Variants in CEP63 observed in about 807,000 individuals in gnomAD.
The protein encoded by CEP63 is centrosomal protein of 63 kDa.
CEP63 carries 84 observed loss-of-function variants against 89.1 expected under a neutral mutation model. That is an observed-to-expected ratio of 0.94 (90% CI 0.79 to 1.13). The LOEUF (loss-of-function observed/expected upper bound fraction) is 1.13, where lower values mean the gene tolerates loss of function less well. Among genes scored for constraint, CEP63 ranks in the 50% most tolerant of loss-of-function variants. The pLI, the probability that CEP63 is intolerant of heterozygous loss-of-function variation, is 0.00. For missense variants in CEP63, 838 were observed against 813.3 expected (o/e 1.03, Z -0.37); for synonymous variants, 267 against 272.5 (o/e 0.98, Z 0.20).
the CEP63 span, among the ~76,000 whole-genome samples, chr3:134,750,630 G>A: frequency 6.6e-6 from 1 of 152,042 alleles, no homozygotes; most frequent in Non-Finnish European, 1.5e-5. Flanking sequence ...GGAGACAGGT[G>A]GGGGAAGCCA....
At chr3:134,501,373 G>T (rs1941943957) in intron 2 of CEP63, among the ~76,000 whole-genome samples, 1 of 152,130 alleles carries the variant, frequency 6.6e-6, no homozygotes, top group Non-Finnish European at 1.5e-5. Flanking sequence ...TGTGAAGAAT[G>T]ACAGTAATTT....
chr3:134,486,241 C>T (rs2107727029), intron 1 of CEP63, 39 bp downstream of exon 1: 2 of 985,484 alleles, frequency 2.0e-6, no homozygotes, highest in African/African-American at 1.7e-5. Context: ...TTGCGGCAAC[C>T]CTGTAACCGC....
At chr3:134,751,529 G>A in the CEP63 span, among the ~76,000 whole-genome samples, 5 of 152,092 alleles carry the variant, frequency 3.3e-5, no homozygotes, top group African/African-American at 9.7e-5. Flanking sequence ...AGATGGCTCC[G>A]AGGTTCTAGC....
intron 3 of CEP63, among the ~76,000 whole-genome samples, chr3:134,519,082 A>G (rs1414771479): frequency 6.6e-6 from 1 of 151,702 alleles, no homozygotes; most frequent in African/African-American, 2.4e-5. Context: ...AAAGCACAGC[A>G]TACAAGAAAG....
At chr3:134,489,039 C>T (rs1327403600) in intron 1 of CEP63, among the ~76,000 whole-genome samples, 1 of 151,542 alleles carries the variant, frequency 6.6e-6, no homozygotes, top group African/African-American at 2.4e-5. Context: ...CCTGTAATCT[C>T]AGCTACTAAG....
At chr3:134,775,868 C>T in the CEP63 span, among the ~76,000 whole-genome samples, 1 of 152,194 alleles carries the variant, frequency 6.6e-6, no homozygotes, top group Non-Finnish European at 1.5e-5. Flanking sequence ...CCGTCTCATT[C>T]TCACTGTCAA....
chr3:134,597,240 A>G, the CEP63 span, among the ~76,000 whole-genome samples: 4 of 152,184 alleles, frequency 2.6e-5, no homozygotes, highest in African/African-American at 9.7e-5. Context: ...GAGGGAGAGA[A>G]GGAGAAATAA....
At chr3:134,662,760 G>T in the CEP63 span, among the ~76,000 whole-genome samples, 1 of 152,220 alleles carries the variant, frequency 6.6e-6, no homozygotes, top group Admixed American at 6.5e-5. Context: ...GGGCTGTGCT[G>T]CCTGAAGGTG....
At chr3:134,526,733 A>G (rs948167257) in intron 3 of CEP63, among the ~76,000 whole-genome samples, 1 of 150,612 alleles carries the variant, frequency 6.6e-6, no homozygotes, top group African/African-American at 2.4e-5. Flanking sequence ...TTGTGGGCTT[A>G]CATTCCTTCA....
Position 134,507,233 on chromosome 3 carries a change from C to G in CEP63, c.169C>G (p.Arg57Gly). 1 of 1,613,090 alleles carries G rather than the reference C, an allele frequency of 6.2e-7. No homozygotes were observed. Among genetic ancestry groups the G allele is most frequent in the Non-Finnish European group, 8.5e-7 (1 of 1,179,490 alleles). ...THALETCLKI[R>G]EQELKSLRSQ... ...TGCTCTAGAAACTTGCTTGAAAATCCGTGAACAGGAACTTAAGAGTCTTAG... is the reference window on the plus strand; with the variant it reads ...TGCTCTAGAAACTTGCTTGAAAATCGGTGAACAGGAACTTAAGAGTCTTAG... The change falls in exon 3 of 15, where the codon CGT (arginine) becomes GGT (glycine). Residue 57 changes from arginine to glycine, a missense_variant. By Grantham distance (125) the Arg-to-Gly change is moderately radical. Transcript: ENST00000675561.
the CEP63 span, among the ~76,000 whole-genome samples, chr3:134,671,906 G>A: frequency 6.6e-6 from 1 of 152,200 alleles, no homozygotes; most frequent in Admixed American, 6.5e-5. Context: ...AGCCAAGGGA[G>A]GCAATGTGTG....
chr3:134,758,576 G>A, the CEP63 span, among the ~76,000 whole-genome samples: 1 of 152,274 alleles, frequency 6.6e-6, no homozygotes, highest in Non-Finnish European at 1.5e-5. Context: ...GTGAAGCCAA[G>A]GCCACTTAGC....
intron 11 of CEP63, among the ~76,000 whole-genome samples, chr3:134,550,548 C>A (rs551072958): frequency 6.6e-6 from 1 of 152,168 alleles, no homozygotes; most frequent in East Asian, 1.9e-4. Flanking sequence ...GGTGTGATAG[C>A]AAAGCTAAGT....
chr3:134,523,552 G>A (rs547928305), intron 3 of CEP63, among the ~76,000 whole-genome samples: 3 of 152,196 alleles, frequency 2.0e-5, no homozygotes, highest in African/African-American at 7.2e-5. Context: ...AATCCATCTT[G>A]AGTTAATTCT....
the CEP63 span, among the ~76,000 whole-genome samples, chr3:134,697,632 C>T: frequency 6.6e-6 from 1 of 152,142 alleles, no homozygotes. Flanking sequence ...CATGATTGTA[C>T]CCACACCTGC....
intron 12 of CEP63, among the ~76,000 whole-genome samples, chr3:134,557,342 CA>C (rs145598355): frequency 4.3e-4 from 57 of 131,306 alleles, no homozygotes; most frequent in Non-Finnish European, 8.0e-4. Flanking sequence ...TTATGTTTGT[CA>C]GACCACTCTT....
rs765413339 is a variant in CEP63, at chr3:134,492,848, C to G, written c.-25-2448C>G. Among the ~76,000 whole-genome samples, 12 of 152,170 alleles carry G rather than the reference C, an allele frequency of 7.9e-5. No individual in the cohort carries two copies. In the South Asian group the frequency reaches 1.0e-3, roughly 13 times the overall value. ...GATTGCCACAATGTCTAGGTTGAAT[C>G]CAGGACTATAATTTTTAGTTTATCA... On this transcript the variant is annotated intron_variant, in intron 1 of 14. Coordinates refer to ENST00000675561, the MANE Select transcript of CEP63 (RefSeq NM_001353108.3).
chr3:134,743,254 T>C, the CEP63 span, among the ~76,000 whole-genome samples: 7 of 152,132 alleles, frequency 4.6e-5, no homozygotes, highest in Admixed American at 4.6e-4. Flanking sequence ...GTTGGGTGAG[T>C]ATTCTGTCTC....
At chr3:134,759,521 T>C in the CEP63 span, among the ~76,000 whole-genome samples, 1 of 152,334 alleles carries the variant, frequency 6.6e-6, no homozygotes, top group South Asian at 2.1e-4. Flanking sequence ...CTTTGACCTG[T>C]AGCACCTGGA....
Sources: gnomAD v4.1 joint callset for allele counts (sites outside exome capture counted in the v4.1 genomes callset) on GRCh38, gnomAD v4.1.1 for gene constraint, MANE v1.5 for transcripts, NCBI Gene and HGNC (gene_info 2026-07-23, HGNC 2026-07-21) for gene names.